The following SEC14L6 variants were observed in gnomAD, a reference collection of about 807,000 sequenced individuals.
SEC14L6 encodes SEC14-like protein 6.
Under a neutral mutation model 54.1 loss-of-function variants are expected in SEC14L6, and 40 were observed. The ratio of observed to expected loss-of-function variants is 0.74; its 90% CI spans 0.57 to 0.96. The LOEUF is 0.96. Among genes scored for constraint, SEC14L6 ranks in the 40% least tolerant of loss-of-function variants. SEC14L6 has a pLI of 0.00. For synonymous variants in SEC14L6, 171 were observed against 198.4 expected, an observed-to-expected ratio of 0.86 and a Z score of 1.16; for missense variants, 471 against 498.3, an observed-to-expected ratio of 0.95 and a Z score of 0.52.
At chr22:30,525,291 T>A in intron 11 of SEC14L6, 59 bp downstream of exon 11, 1 of 1,567,210 alleles carries the variant, frequency 6.4e-7, no homozygotes, top group Non-Finnish European at 8.7e-7. Flanking sequence ...TGGATGCACA[T>A]TGTAGCACCC....
At chr22:30,533,668 C>G (rs1377680961) in intron 3 of SEC14L6, among the ~76,000 whole-genome samples, 1 of 152,228 alleles carries the variant, frequency 6.6e-6, no homozygotes, top group East Asian at 1.9e-4. Context: ...TGCTCTTCAC[C>G]CTGATCTTCA....
chr22:30,533,140 A>G, intron 3 of SEC14L6: 1 of 985,280 alleles, frequency 1.0e-6, no homozygotes, highest in East Asian at 1.1e-4. Context: ...CCCCTCCCGC[A>G]TGGCTGCCCT....
At chr22:30,539,734 G>A (rs771940816) in intron 1 of SEC14L6, among the ~76,000 whole-genome samples, 23 of 152,252 alleles carry the variant, frequency 1.5e-4, no homozygotes, top group Non-Finnish European at 2.5e-4. Context: ...CTGTGTACCT[G>A]ATAGGTTAGG....
At position 30,529,153 on chromosome 22, in the gene SEC14L6, C is replaced by G; in HGVS notation, c.598G>C (p.Val200Leu). Residue 200 changes from valine (V) to leucine (L), a missense_variant, in exon 8 of 12, where the codon GTA becomes CTA. By Grantham distance (32) the Val-to-Leu change is conservative. Coordinates refer to ENST00000402034, the MANE Select transcript of SEC14L6 (RefSeq NM_001193336.4). ...TAAGACTTGACCAGGTTGAAGGCTA[C>G]GGCGAATAGCTTGGGGGCTGAAACC... ...IVVRAPKLFA[V>L]AFNLVKSYMS... 4.5e-6 allele frequency: 7 copies of G among 1,551,182 alleles called. No individual in the cohort carries two copies. The highest frequency in any genetic ancestry group is 1.2e-5 in the South Asian group (1 of 84,060).
chr22:30,525,065 G>A lies in SEC14L6; in HGVS notation c.1126C>T (p.Arg376Cys), dbSNP rs576294691. 34 of 1,550,044 alleles carry A rather than the reference G, an allele frequency of 2.2e-5. 1 individual carries two copies. Among genetic ancestry groups the A allele is most frequent in the East Asian group, 1.7e-4 (7 of 40,924 alleles). ...AGTACCTCCACGGTGTAGCTGATGC[G>A]TTTAGAATGAACCAGGCTGTAGGTG... ...YNTYSLVHSK[R>C]ISYTVEVLLP... The change falls in exon 12 of 12, where the codon CGC becomes TGC. Residue 376 changes from arginine to cysteine, a missense_variant. Arg to Cys is a radical substitution (Grantham distance 180). Transcript: ENST00000402034.
chr22:30,532,277 T>G, intron 5 of SEC14L6: 1 of 985,436 alleles, frequency 1.0e-6, no homozygotes, highest in Non-Finnish European at 1.2e-6. Context: ...CCAATGAGGC[T>G]GCAGAGGGCA....
intron 8 of SEC14L6, among the ~76,000 whole-genome samples, chr22:30,528,875 T>A (rs1429995826): frequency 6.6e-6 from 1 of 152,070 alleles, no homozygotes; most frequent in Non-Finnish European, 1.5e-5. Flanking sequence ...TCTCTACCCA[T>A]GCTACCTCCA....
chr22:30,531,724 C>CA (rs1049109967), intron 6 of SEC14L6, among the ~76,000 whole-genome samples, 179 bp downstream of exon 6: 6 of 151,206 alleles, frequency 4.0e-5, no homozygotes, highest in South Asian at 2.1e-4. Context: ...AACTCCATTT[C>CA]AAAAAAAAAG....
intron 1 of SEC14L6, among the ~76,000 whole-genome samples, chr22:30,540,431 C>A (rs1043086697): frequency 3.4e-4 from 43 of 126,336 alleles, no homozygotes; most frequent in Non-Finnish European, 6.0e-4. Context: ...AGATCAATTA[C>A]TTGGCCAGGT....
chr22:30,529,637 T>C (rs373657391), intron 6 of SEC14L6, among the ~76,000 whole-genome samples: 1 of 152,162 alleles, frequency 6.6e-6, no homozygotes, highest in African/African-American at 2.4e-5. Flanking sequence ...AGAGATGGGG[T>C]CTTGCTATAT....
chr22:30,542,742 G>A, intron 1 of SEC14L6: 2 of 1,578,170 alleles, frequency 1.3e-6, no homozygotes, highest in Non-Finnish European at 1.7e-6. Flanking sequence ...AGTGCACTGT[G>A]ACCTCCCTGA....
chr22:30,527,746 A>T (rs1007590508), intron 8 of SEC14L6, among the ~76,000 whole-genome samples: 1 of 149,804 alleles, frequency 6.7e-6, no homozygotes, highest in Non-Finnish European at 1.5e-5. Flanking sequence ...AAAAAGTCCT[A>T]ACATGCATTT....
intron 2 of SEC14L6, among the ~76,000 whole-genome samples, chr22:30,535,899 T>TG (rs1258435644): frequency 6.7e-6 from 1 of 150,304 alleles, no homozygotes; most frequent in African/African-American, 2.4e-5. Context: ...TTTTTTTTTT[T>TG]TTTTTTTTTT....
chr22:30,545,993 A>C (rs915207150), intron 1 of SEC14L6, among the ~76,000 whole-genome samples: 1 of 151,966 alleles, frequency 6.6e-6, no homozygotes, highest in Non-Finnish European at 1.5e-5. Flanking sequence ...TCCTGACCTC[A>C]AATGATCCAT....
chr22:30,527,803 G>GA (rs1357000937), intron 8 of SEC14L6, among the ~76,000 whole-genome samples: 5 of 150,844 alleles, frequency 3.3e-5, no homozygotes, highest in African/African-American at 4.9e-5. Context: ...TTATCCTATG[G>GA]AAAAAACTGT....
In SEC14L6 at chr22:30,546,626, C is replaced by T; in HGVS notation, c.54+3G>A. 6.5e-7 allele frequency: 1 copy of T among 1,550,352 alleles called. No homozygotes were observed. The highest frequency in any genetic ancestry group is 8.7e-7 in the Non-Finnish European group (1 of 1,146,848). On this transcript the variant is annotated splice_donor_region_variant and intron_variant, in intron 1 of 11. Transcript: ENST00000402034. ...TGGTGTAGGAGTCTCTCCCTTCACT[C>T]ACCTGGGCCAGCGACTTCTCCTGCG...
intron 6 of SEC14L6, among the ~76,000 whole-genome samples, chr22:30,531,340 G>A (rs926977306): frequency 2.0e-5 from 3 of 151,316 alleles, no homozygotes; most frequent in East Asian, 3.9e-4. Context: ...CTGGCAGGTG[G>A]AGTTTGCAGT....
chr22:30,540,144 G>A (rs189296007), intron 1 of SEC14L6, among the ~76,000 whole-genome samples: 1 of 152,300 alleles, frequency 6.6e-6, no homozygotes, highest in Admixed American at 6.5e-5. Flanking sequence ...ATGAAAGAGG[G>A]TTTGGCCTTG....
chr22:30,531,271 G>A (rs1936960484), intron 6 of SEC14L6, among the ~76,000 whole-genome samples: 1 of 151,892 alleles, frequency 6.6e-6, no homozygotes, highest in African/African-American at 2.4e-5. Context: ...AGCCGGGCGT[G>A]GTGGCAGGCG....
Sources: gnomAD v4.1 joint callset for allele counts (sites outside exome capture counted in the v4.1 genomes callset) on GRCh38, gnomAD v4.1.1 for gene constraint, MANE v1.5 for transcripts, NCBI Gene and HGNC (gene_info 2026-07-23, HGNC 2026-07-21) for gene names.